RANBP17: variants seen among roughly 807,000 people sequenced by gnomAD.
RANBP17 encodes the protein RAN binding protein 17, also known as ran-binding protein 17.
A neutral mutation model predicts 141.2 loss-of-function variants in RANBP17; 158 were observed. That is an observed-to-expected ratio of 1.12 (90% CI 0.98 to 1.28). RANBP17 has a LOEUF of 1.28. Ranked by LOEUF, RANBP17 falls within the 50% of genes most tolerant of loss-of-function variation. The probability of loss-of-function intolerance (pLI) is 0.00; values close to 1 mark genes in which losing one functional copy is unlikely to be tolerated. For missense variants in RANBP17, 1,438 were observed against 1,290.7 expected, an observed-to-expected ratio of 1.11 and a Z score of -1.75; for synonymous variants, 430 against 450.0, an observed-to-expected ratio of 0.96 and a Z score of 0.56.
At chr5:170,914,769 T>C (rs182734967) in intron 8 of RANBP17, among the ~76,000 whole-genome samples, 1 of 152,286 alleles carries the variant, frequency 6.6e-6, no homozygotes, top group African/African-American at 2.4e-5. Context: ...AAAAAGTTCT[T>C]GATACTCTGT....
At chr5:170,980,612 C>T (rs960013186) in intron 14 of RANBP17, among the ~76,000 whole-genome samples, 5 of 152,222 alleles carry the variant, frequency 3.3e-5, no homozygotes, top group Non-Finnish European at 2.9e-5. Context: ...TGGCACCTTC[C>T]ATGTGGTGTT....
chr5:170,913,751 G>A (rs900238316), intron 7 of RANBP17, among the ~76,000 whole-genome samples: 1 of 123,570 alleles, frequency 8.1e-6, no homozygotes, highest in Non-Finnish European at 1.8e-5. Context: ...AATAGTATAC[G>A]CTATTATTTG....
chr5:171,172,529 ACT>A (rs1760171241), intron 16 of RANBP17, among the ~76,000 whole-genome samples: 1 of 151,320 alleles, frequency 6.6e-6, no homozygotes, highest in African/African-American at 2.4e-5. Context: ...TAAAAAAAAA[ACT>A]CAACCCATAT....
intron 14 of RANBP17, among the ~76,000 whole-genome samples, chr5:171,066,699 C>T (rs76816810): frequency 2.8e-4 from 42 of 152,274 alleles, no homozygotes; most frequent in Non-Finnish European, 4.7e-4. Flanking sequence ...AGTGAAATTG[C>T]TTGATCATAT....
At chr5:171,041,079 C>T (rs1172862655) in intron 14 of RANBP17, among the ~76,000 whole-genome samples, 2 of 152,118 alleles carry the variant, frequency 1.3e-5, no homozygotes. Context: ...CAGTTCTAGC[C>T]TGTTGTTGAC....
intron 14 of RANBP17, among the ~76,000 whole-genome samples, chr5:171,072,367 G>A (rs1035560371): frequency 2.6e-5 from 4 of 151,622 alleles, no homozygotes; most frequent in Non-Finnish European, 5.9e-5. Context: ...TAGTAAATTT[G>A]TATTGTTTTA....
At chr5:171,167,210 G>A (rs1024677170) in intron 14 of RANBP17, among the ~76,000 whole-genome samples, 1 of 152,142 alleles carries the variant, frequency 6.6e-6, no homozygotes, top group Non-Finnish European at 1.5e-5. Context: ...TTGAATGCCA[G>A]GGACACGGTA....
At chr5:170,888,680 A>G (rs1396684885) in intron 3 of RANBP17, among the ~76,000 whole-genome samples, 1 of 152,060 alleles carries the variant, frequency 6.6e-6, no homozygotes, top group Non-Finnish European at 1.5e-5. Context: ...TTCTTAATCT[A>G]TATGCATTCT....
At chr5:171,210,715 A>G (rs141284134) in intron 20 of RANBP17, among the ~76,000 whole-genome samples, 127 of 152,210 alleles carry the variant, frequency 8.3e-4, no homozygotes, top group Non-Finnish European at 1.7e-3. Flanking sequence ...ATTAAAAGCT[A>G]TATCTTCCTG....
At chr5:170,886,158 C>G (rs1245241246) in intron 3 of RANBP17, among the ~76,000 whole-genome samples, 1 of 152,120 alleles carries the variant, frequency 6.6e-6, no homozygotes, top group Non-Finnish European at 1.5e-5. Context: ...ACCCCTAATT[C>G]AGAGGCTAAA....
intron 1 of RANBP17, among the ~76,000 whole-genome samples, chr5:170,864,813 AT>A (rs1363647510): frequency 1.3e-5 from 2 of 152,156 alleles, no homozygotes; most frequent in African/African-American, 4.8e-5. Context: ...GAGAACTATT[AT>A]TTTTAAATGC....
chr5:171,260,437 TG>T (rs1321348470), intron 24 of RANBP17, among the ~76,000 whole-genome samples: 3 of 134,872 alleles, frequency 2.2e-5, no homozygotes, highest in African/African-American at 8.5e-5. Flanking sequence ...CACTTCACCC[TG>T]GGCAACAGAG....
At chr5:170,862,642 CGGA>C (rs1766902149) in intron 1 of RANBP17, among the ~76,000 whole-genome samples, 2 of 151,980 alleles carry the variant, frequency 1.3e-5, no homozygotes, top group African/African-American at 2.4e-5. Context: ...GCCGCCTCTT[CGGA>C]GGAGGAAACC....
intron 16 of RANBP17, among the ~76,000 whole-genome samples, chr5:171,181,219 A>G (rs1760837622): frequency 6.6e-6 from 1 of 152,088 alleles, no homozygotes; most frequent in Non-Finnish European, 1.5e-5. Context: ...GTGGCCAGGC[A>G]CGGTGGATCA....
chr5:171,011,524 A>T (rs149433282), intron 14 of RANBP17, among the ~76,000 whole-genome samples: 223 of 152,082 alleles, frequency 1.5e-3, no homozygotes, highest in African/African-American at 5.1e-3. Context: ...ACCCACAGAA[A>T]ACTTAATAAT....
intron 22 of RANBP17, among the ~76,000 whole-genome samples, chr5:171,235,722 C>T (rs1346300628): frequency 6.6e-6 from 1 of 152,082 alleles, no homozygotes; most frequent in African/African-American, 2.4e-5. Flanking sequence ...CCACCTCGGC[C>T]TCCCAAGTAG....
intron 25 of RANBP17, among the ~76,000 whole-genome samples, chr5:171,287,291 G>A (rs2128041217): frequency 6.6e-6 from 1 of 152,286 alleles, no homozygotes. Flanking sequence ...AGGAGTTCAA[G>A]ACCAGCCTGG....
Position 170,928,199 on chromosome 5 carries a change from G to A in RANBP17, c.1468+3649G>A, listed in dbSNP as rs180947334. 4.1e-3 allele frequency among the ~76,000 whole-genome samples: 618 copies of A among 152,014 alleles called. 5 individuals carry two copies. The highest frequency in any genetic ancestry group is 0.014 in the African/African-American group (596 of 41,518). On this transcript the variant is annotated intron_variant, in intron 12 of 27. Coordinates refer to ENST00000523189, the MANE Select transcript of RANBP17 (RefSeq NM_022897.5). ...TGCCCATTTTTAAATTGGATTGTTG[G>A]CTCTTTTGTATGTGTTAGGGAATTG...
intron 24 of RANBP17, among the ~76,000 whole-genome samples, chr5:171,260,638 T>G (rs1005352910): frequency 1.3e-5 from 2 of 152,098 alleles, no homozygotes; most frequent in African/African-American, 4.8e-5. Flanking sequence ...TGTAGTCAGG[T>G]GACAGAAACC....
Sources: allele counts gnomAD v4.1 joint callset (sites outside exome capture counted in the v4.1 genomes callset), GRCh38; gene constraint gnomAD v4.1.1; transcripts MANE v1.5; gene names NCBI Gene and HGNC (gene_info 2026-07-23, HGNC 2026-07-21).